FBXL7: variants seen among roughly 807,000 people sequenced by gnomAD.
The protein encoded by FBXL7 is F-box and leucine rich repeat protein 7, also known as F-box/LRR-repeat protein 7.
A neutral mutation model predicts 38.3 loss-of-function variants in FBXL7; 12 were observed. The ratio of observed to expected loss-of-function variants is 0.31; its 90% CI spans 0.20 to 0.51. FBXL7 has a LOEUF of 0.51. Ranked by LOEUF, FBXL7 falls within the 20% of genes least tolerant of loss-of-function variation. The pLI is 0.98. For synonymous variants in FBXL7, 297 were observed against 300.9 expected, an observed-to-expected ratio of 0.99 and a Z score of 0.13; for missense variants, 567 against 676.4, an observed-to-expected ratio of 0.84 and a Z score of 1.79.
chr5:15,516,792 T>TC (rs906188476), intron 1 of FBXL7, among the ~76,000 whole-genome samples: 3 of 152,064 alleles, frequency 2.0e-5, no homozygotes, highest in Admixed American at 6.6e-5. Context: ...AAGGAGCTCT[T>TC]CCCCCTTTTG....
At chr5:15,707,973 A>T (rs561236428) in intron 2 of FBXL7, among the ~76,000 whole-genome samples, 4 of 152,240 alleles carry the variant, frequency 2.6e-5, no homozygotes, top group African/African-American at 7.2e-5. Flanking sequence ...TCCCATCTTT[A>T]TAAAAACAGC....
intron 2 of FBXL7, among the ~76,000 whole-genome samples, chr5:15,858,676 G>A (rs1165775616): frequency 1.3e-5 from 2 of 152,108 alleles, no homozygotes; most frequent in Non-Finnish European, 1.5e-5. Flanking sequence ...AGCTACCTCG[G>A]CCAAATGTTA....
At chr5:15,766,887 AC>A (rs1736605403) in intron 2 of FBXL7, among the ~76,000 whole-genome samples, 1 of 152,174 alleles carries the variant, frequency 6.6e-6, no homozygotes, top group African/African-American at 2.4e-5. Context: ...GAGCAGAACA[AC>A]CTGAGAAGAA....
At chr5:15,930,940 T>C (rs1742022379) in intron 3 of FBXL7, among the ~76,000 whole-genome samples, 1 of 152,220 alleles carries the variant, frequency 6.6e-6, no homozygotes, top group South Asian at 2.1e-4. Context: ...TGGCTGGTTC[T>C]CTTTAGTTTT....
intron 2 of FBXL7, among the ~76,000 whole-genome samples, chr5:15,805,673 C>T (rs1159941345): frequency 6.6e-6 from 1 of 152,068 alleles, no homozygotes; most frequent in African/African-American, 2.4e-5. Context: ...CACTGAATTT[C>T]AAGCCTAATA....
chr5:15,537,133 G>A (rs563950550), intron 1 of FBXL7, among the ~76,000 whole-genome samples: 14 of 152,282 alleles, frequency 9.2e-5, no homozygotes, highest in African/African-American at 2.9e-4. Flanking sequence ...GTGGAACTAT[G>A]AGTCAATTAA....
chr5:15,541,459 A>G (rs982572393), intron 1 of FBXL7, among the ~76,000 whole-genome samples: 2 of 120,854 alleles, frequency 1.7e-5, no homozygotes, highest in African/African-American at 6.1e-5. Context: ...ATATATATAT[A>G]TATATATATA....
chr5:15,548,843 T>A (rs1022497072), intron 1 of FBXL7, among the ~76,000 whole-genome samples: 2 of 152,208 alleles, frequency 1.3e-5, no homozygotes, highest in African/African-American at 4.8e-5. Flanking sequence ...TCTACATTTT[T>A]ACATAAGATA....
intron 2 of FBXL7, among the ~76,000 whole-genome samples, chr5:15,635,739 G>A (rs1741158214): frequency 1.3e-5 from 2 of 152,130 alleles, no homozygotes; most frequent in South Asian, 4.1e-4. Context: ...TAAAAAGGAT[G>A]TGGATTTATT....
Position 15,629,048 on chromosome 5 carries a change from TG to T in FBXL7, c.127+12979del, listed in dbSNP as rs768795909. ...ATCTGTGCACTTTGGGAGGCTGAGG[TG>T]GGAGGGTTGCTTGAGGCTAGGAGTT... On this transcript the variant is annotated intron_variant, in intron 2 of 3. Transcript: ENST00000504595. Among the ~76,000 whole-genome samples, 5 of 150,586 alleles carry T rather than the reference TG, an allele frequency of 3.3e-5. No homozygotes were observed. In the South Asian group the frequency reaches 6.3e-4, roughly 19 times the overall value.
At chr5:15,814,110 A>G (rs1203481685) in intron 2 of FBXL7, among the ~76,000 whole-genome samples, 2 of 152,200 alleles carry the variant, frequency 1.3e-5, no homozygotes, top group African/African-American at 4.8e-5. Context: ...TCATTCTACT[A>G]TAATGACACA....
At chr5:15,649,773 G>T (rs1741646401) in intron 2 of FBXL7, among the ~76,000 whole-genome samples, 1 of 148,054 alleles carries the variant, frequency 6.8e-6, no homozygotes, top group Non-Finnish European at 1.5e-5. Flanking sequence ...CTTGTTCATT[G>T]CTCATTCACT....
At chr5:15,637,957 G>A (rs1741238342) in intron 2 of FBXL7, among the ~76,000 whole-genome samples, 1 of 152,102 alleles carries the variant, frequency 6.6e-6, no homozygotes, top group Admixed American at 6.5e-5. Context: ...TGAAAACTGG[G>A]GGAAGTATAA....
intron 1 of FBXL7, among the ~76,000 whole-genome samples, chr5:15,532,134 G>A (rs896852085): frequency 3.9e-5 from 6 of 152,198 alleles, no homozygotes; most frequent in Non-Finnish European, 8.8e-5. Flanking sequence ...AACCATGTGT[G>A]CCTGAATATA....
chr5:15,701,114 CAGAATT>C (rs1332629178), intron 2 of FBXL7, among the ~76,000 whole-genome samples: 1 of 151,952 alleles, frequency 6.6e-6, no homozygotes, highest in Non-Finnish European at 1.5e-5. Flanking sequence ...AGGTTGGAGA[CAGAATT>C]AGAGAAAATT....
intron 2 of FBXL7, among the ~76,000 whole-genome samples, chr5:15,765,158 G>A (rs988964944): frequency 9.2e-5 from 14 of 152,086 alleles, no homozygotes; most frequent in African/African-American, 3.4e-4. Context: ...CCTTCTTGGT[G>A]CACAGGTGAG....
In FBXL7 at chr5:15,927,886, C is replaced by T; in HGVS notation, c.128-4C>T. The T allele has an allele frequency of 6.6e-7, 1 of 1,515,780 alleles. No homozygotes were observed. Among genetic ancestry groups the T allele is most frequent in the South Asian group, 1.3e-5 (1 of 75,044 alleles). The allele number at this position is 1,515,780 out of a possible 1,614,324, so 93.9% of individuals were successfully genotyped here. Reference sequence around the variant, plus strand: ...ATTAACCTTTGTTCTCTGTCCTTTGCCAGACTCCGACCTGAGCATGCGCAC... The same window carrying T: ...ATTAACCTTTGTTCTCTGTCCTTTGTCAGACTCCGACCTGAGCATGCGCAC... On this transcript the variant is annotated splice_polypyrimidine_tract_variant and splice_region_variant and intron_variant, in intron 2 of 3. Transcript: ENST00000504595.
chr5:15,548,069 T>C (rs151292329), intron 1 of FBXL7, among the ~76,000 whole-genome samples: 2 of 152,332 alleles, frequency 1.3e-5, no homozygotes, highest in African/African-American at 4.8e-5. Flanking sequence ...CATGAAAGGA[T>C]ACTAGAAGCT....
At chr5:15,901,930 C>T (rs1178177949) in intron 2 of FBXL7, among the ~76,000 whole-genome samples, 2 of 151,328 alleles carry the variant, frequency 1.3e-5, no homozygotes, top group Non-Finnish European at 2.9e-5. Context: ...TAACTGCATC[C>T]TTCAACATTT....
Sources: allele counts gnomAD v4.1 joint callset (sites outside exome capture counted in the v4.1 genomes callset), GRCh38; gene constraint gnomAD v4.1.1; transcripts MANE v1.5; gene names NCBI Gene and HGNC (gene_info 2026-07-23, HGNC 2026-07-21).